CD80: variants seen among roughly 807,000 people sequenced by gnomAD.
The protein encoded by CD80 is CD80 molecule.
In CD80, 13 loss-of-function variants were observed where a neutral mutation model predicts 27.1. That is an observed-to-expected ratio of 0.48 (90% CI 0.31 to 0.76). CD80 has a LOEUF of 0.76. Ranked by LOEUF, CD80 falls within the 30% of genes least tolerant of loss-of-function variation. The pLI is 0.04. For synonymous variants in CD80, 125 were observed against 125.5 expected (o/e 1.00, Z 0.03); for missense variants, 277 against 347.9 (o/e 0.80, Z 1.62).
intron 2 of CD80, among the ~76,000 whole-genome samples, chr3:119,545,691 A>C (rs1961371): frequency 0.053 from 8,073 of 152,024 alleles, 689 homozygotes; most frequent in African/African-American, 0.18. Context: ...CTTCCTTTGG[A>C]ATGGTAATGA....
chr3:119,527,840 G>A lies in CD80; in HGVS notation c.798C>T (p.Cys266=). The A allele has an allele frequency of 6.2e-7, 1 of 1,612,794 alleles. No individual in the cohort carries two copies. Among genetic ancestry groups the A allele is most frequent in the East Asian group, 2.2e-5 (1 of 44,868 alleles). Residue 266 remains cysteine, a splice_region_variant and synonymous_variant, in exon 6 of 7, where the codon TGC becomes TGT. Transcript: ENST00000264246. ...TTCTCTCTCTGCATCTTGGGGCAAA[G>A]CCTTGGAGACAAGAACAAACAATAA... is the stretch of plus-strand genomic sequence containing the variant. ...GIFVICCLTY[C]FAPRCRERRR...
At chr3:119,556,105 A>G (rs1022696754) in intron 2 of CD80, among the ~76,000 whole-genome samples, 5 of 152,226 alleles carry the variant, frequency 3.3e-5, no homozygotes, top group African/African-American at 1.2e-4. Context: ...CTTTGAGTGC[A>G]GGAATCCTAG....
chr3:119,530,497 AAG>A (rs2082103706), intron 4 of CD80, among the ~76,000 whole-genome samples: 1 of 152,150 alleles, frequency 6.6e-6, no homozygotes, highest in African/African-American at 2.4e-5. Context: ...GCAAAGAACT[AAG>A]TGTGGATATG....
chr3:119,544,195 C>T (rs915783655), intron 3 of CD80: 32 of 240,910 alleles, frequency 1.3e-4, no homozygotes, highest in Non-Finnish European at 2.2e-4. Context: ...GCCCCGTTAC[C>T]TTTTCAGCAT....
intron 3 of CD80, among the ~76,000 whole-genome samples, chr3:119,543,323 C>T (rs1192125637): frequency 6.6e-6 from 1 of 151,970 alleles, no homozygotes; most frequent in Non-Finnish European, 1.5e-5. Flanking sequence ...ACAGTAGGTA[C>T]ATAAACAGGG....
At chr3:119,532,727 T>G (rs1236096339) in intron 4 of CD80, among the ~76,000 whole-genome samples, 1 of 152,326 alleles carries the variant, frequency 6.6e-6, no homozygotes, top group East Asian at 1.9e-4. Flanking sequence ...CTGTTCTATA[T>G]TCAGAATATC....
At position 119,544,801 on chromosome 3, in the gene CD80, A is replaced by G. The variant is rs1384830720; in HGVS notation, c.167T>C (p.Val56Ala). The change falls in exon 3 of 7, where the codon GTT becomes GCT. Residue 56 changes from valine to alanine, a missense_variant. Transcript: ENST00000264246. ...ATLSCGHNVS[V>A]EELAQTRIYW... The stretch of plus-strand genomic sequence containing the variant: ...GATGCGAGTTTGTGCCAGCTCTTCA[A>G]CAGAAACATTGTGACCACAGGACAG... 3 of 1,614,086 alleles carry G rather than the reference A, an allele frequency of 1.9e-6. No homozygotes were observed. Among genetic ancestry groups the G allele is most frequent in the Non-Finnish European group, 2.5e-6 (3 of 1,180,030 alleles).
chr3:119,556,390 C>T (rs1467602870), intron 2 of CD80, among the ~76,000 whole-genome samples: 2 of 150,982 alleles, frequency 1.3e-5, no homozygotes, highest in East Asian at 3.9e-4. Flanking sequence ...TCTGGGAAGC[C>T]TGTACAAATT....
At position 119,525,327 on chromosome 3, in the gene CD80, G is replaced by A. The variant is rs2082058410; in HGVS notation, c.*461C>T. ...GACATTAGGAAATCAGATAGTCTCTGAAGTTGACCTGTTATTGGACAAATT... is the reference window on the plus strand; with the variant it reads ...GACATTAGGAAATCAGATAGTCTCTAAAGTTGACCTGTTATTGGACAAATT... On this transcript the variant is annotated 3_prime_UTR_variant, in exon 7 of 7. Coordinates refer to ENST00000264246, the MANE Select transcript of CD80 (RefSeq NM_005191.4). The A allele has an allele frequency of 6.6e-6, 1 of 152,178 alleles. No individual in the cohort carries two copies. Among genetic ancestry groups the A allele is most frequent in the Non-Finnish European group, 1.5e-5 (1 of 68,042 alleles). The allele number at this position is 152,178 out of a possible 1,614,324, so 9.4% of individuals were successfully genotyped here. A position where few individuals can be genotyped will look rare whatever the true frequency, so the allele number is the denominator to read the frequency against.
In CD80 at chr3:119,544,586, G is replaced by T. The variant is rs780121133; in HGVS notation, c.382C>A (p.Arg128=). Residue 128 remains arginine (R), a synonymous_variant, in exon 3 of 7, where the codon CGG becomes AGG. Transcript: ENST00000264246. The part of the protein sequence containing the change: ...VLKYEKDAFK[R]EHLAEVTLSV... ...AACGTCACTTCAGCCAGGTGTTCCC[G>T]CTTGAAAGCGTCTTTTTCATACTTC... 1.2e-6 allele frequency: 2 copies of T among 1,614,106 alleles called. No homozygotes were observed. Among genetic ancestry groups the T allele is most frequent in the Non-Finnish European group, 1.7e-6 (2 of 1,179,976 alleles).
chr3:119,536,140 A>G (rs2082136590), intron 4 of CD80, among the ~76,000 whole-genome samples: 1 of 151,780 alleles, frequency 6.6e-6, no homozygotes, highest in Admixed American at 6.6e-5. Flanking sequence ...AATCCCAGCT[A>G]TTCGGGAGGC....
At chr3:119,535,552 A>T (rs2082133555) in intron 4 of CD80, among the ~76,000 whole-genome samples, 2 of 152,172 alleles carry the variant, frequency 1.3e-5, no homozygotes, top group African/African-American at 4.8e-5. Flanking sequence ...TAGGCCTAAG[A>T]TGTATATATT....
At chr3:119,548,929 T>C (rs1043766592) in intron 2 of CD80, among the ~76,000 whole-genome samples, 9 of 152,014 alleles carry the variant, frequency 5.9e-5, no homozygotes, top group Non-Finnish European at 1.3e-4. Context: ...CCCAGCTACT[T>C]AGGAGGCTGA....
chr3:119,533,452 G>A (rs1046359519), intron 4 of CD80, among the ~76,000 whole-genome samples: 1 of 144,930 alleles, frequency 6.9e-6, no homozygotes, highest in African/African-American at 2.6e-5. Flanking sequence ...GATATGGTTT[G>A]GCTGTGTCCC....
At chr3:119,529,121 T>A (rs1343721458) in intron 5 of CD80, among the ~76,000 whole-genome samples, 1 of 151,992 alleles carries the variant, frequency 6.6e-6, no homozygotes, top group Non-Finnish European at 1.5e-5. Context: ...GGCTAATTTT[T>A]GTATTTTTAG....
intron 2 of CD80, among the ~76,000 whole-genome samples, chr3:119,546,415 G>C (rs2082203001): frequency 6.6e-6 from 1 of 152,138 alleles, no homozygotes. Context: ...AACCCCACAA[G>C]ATATGTATTA....
At chr3:119,551,032 T>G (rs988472087) in intron 2 of CD80, among the ~76,000 whole-genome samples, 2 of 152,210 alleles carry the variant, frequency 1.3e-5, no homozygotes, top group Non-Finnish European at 2.9e-5. Flanking sequence ...GTGATGTATA[T>G]TTACAGGTAT....
At chr3:119,543,179 G>A (rs767716028) in intron 3 of CD80, among the ~76,000 whole-genome samples, 51 of 152,340 alleles carry the variant, frequency 3.3e-4, no homozygotes, top group African/African-American at 7.2e-4. Flanking sequence ...CCAGTTGTGC[G>A]TAAATTACTC....
In CD80 at chr3:119,541,878, G is replaced by A. The variant is rs1192213637; in HGVS notation, c.418+2672C>T. 5.3e-5 allele frequency among the ~76,000 whole-genome samples: 8 copies of A among 152,058 alleles called. No homozygotes were observed. The East Asian group carries it at 7.7e-4, about 15-fold the overall frequency. ...CCCTTAGCTGTCCTTGGTCTCTTAC[G>A]GTAATCTGCTAATAGGGCCTGCCCC... On this transcript the variant is annotated intron_variant, in intron 3 of 6. Coordinates refer to ENST00000264246, the MANE Select transcript of CD80 (RefSeq NM_005191.4).
Sources: gnomAD v4.1 joint callset for allele counts (sites outside exome capture counted in the v4.1 genomes callset) on GRCh38, gnomAD v4.1.1 for gene constraint, MANE v1.5 for transcripts, NCBI Gene and HGNC (gene_info 2026-07-23, HGNC 2026-07-21) for gene names.